PHF20: variants seen among roughly 807,000 people sequenced by gnomAD.
PHF20 encodes the protein PHD finger protein 20.
In PHF20, 23 loss-of-function variants were observed where a neutral mutation model predicts 113.5. That is an observed-to-expected ratio of 0.20 (90% CI 0.15 to 0.29). PHF20 has a LOEUF of 0.29. Among genes scored for constraint, PHF20 ranks in the 10% least tolerant of loss-of-function variants. The pLI, the probability that PHF20 is intolerant of heterozygous loss-of-function variation, is 1.00. For synonymous variants in PHF20, 434 were observed against 457.3 expected, an observed-to-expected ratio of 0.95 and a Z score of 0.65; for missense variants, 943 against 1,219.6, an observed-to-expected ratio of 0.77 and a Z score of 3.38.
At chr20:35,899,789 C>T (rs2055060908) in intron 10 of PHF20, 141 bp downstream of exon 10, 1 of 877,336 alleles carries the variant, frequency 1.1e-6, no homozygotes, top group Non-Finnish European at 1.7e-6. Context: ...AAGTGATCCT[C>T]TGGGCTGTGC....
At chr20:35,835,618 A>C (rs560530183) in intron 2 of PHF20, among the ~76,000 whole-genome samples, 1 of 152,182 alleles carries the variant, frequency 6.6e-6, no homozygotes, top group Non-Finnish European at 1.5e-5. Context: ...TAAGAAATCT[A>C]TCAGTTCATT....
At chr20:35,921,621 C>G (rs2055513564) in intron 13 of PHF20, among the ~76,000 whole-genome samples, 1 of 152,048 alleles carries the variant, frequency 6.6e-6, no homozygotes, top group Non-Finnish European at 1.5e-5. Context: ...GAGTTCAAGG[C>G]TGCAGCGAGC....
rs2146994074 is a variant in PHF20 at position 35,873,171 on chromosome 20, A to G, written c.1282+1342A>G. 2.1e-5 allele frequency among the ~76,000 whole-genome samples: 3 copies of G among 145,466 alleles called. No homozygotes were observed. In the East Asian group the frequency reaches 6.2e-4, roughly 30 times the overall value. ...GGCTGGAGTGCAGTGGTTGATCTCC[A>G]CTCACTTCAACCTCTGCCTCCTGGG... On this transcript the variant is annotated intron_variant, in intron 9 of 17. Coordinates refer to ENST00000374012, the MANE Select transcript of PHF20 (RefSeq NM_016436.5).
chr20:35,845,376 T>C (rs755705843), intron 3 of PHF20: 1 of 395,044 alleles, frequency 2.5e-6, no homozygotes, highest in South Asian at 1.8e-5. Flanking sequence ...TTTTTGTTTT[T>C]TTTTAAAGAG....
At chr20:35,902,218 A>AC (rs2055110967) in intron 10 of PHF20, among the ~76,000 whole-genome samples, 1 of 152,194 alleles carries the variant, frequency 6.6e-6, no homozygotes, top group African/African-American at 2.4e-5. Flanking sequence ...CTGTAGAAAC[A>AC]ACCAGCACTG....
chr20:35,904,085 G>C lies in PHF20; in HGVS notation c.1561+4437G>C, dbSNP rs143914471. On this transcript the variant is annotated intron_variant, in intron 10 of 17. Transcript: ENST00000374012. The stretch of plus-strand genomic sequence containing the variant: ...CAGGGTGGAATTTCAGACAGTGTGG[G>C]GAGTTCAGTTGGGGAGACGTTTCAC... Among the ~76,000 whole-genome samples, 3 of 152,116 alleles carry C rather than the reference G, an allele frequency of 2.0e-5. No homozygotes were observed. The East Asian group carries it at 5.8e-4, about 29-fold the overall frequency.
At chr20:35,856,991 G>C (rs911634830) in intron 4 of PHF20, among the ~76,000 whole-genome samples, 1 of 152,132 alleles carries the variant, frequency 6.6e-6, no homozygotes, top group Admixed American at 6.6e-5. Context: ...GAGGACTGGC[G>C]GTGGAGGGGT....
intron 9 of PHF20, among the ~76,000 whole-genome samples, chr20:35,890,555 A>C (rs143806758): frequency 1.3e-5 from 2 of 152,156 alleles, no homozygotes; most frequent in African/African-American, 4.8e-5. Flanking sequence ...AATAATGACA[A>C]ATAATATTCA....
chr20:35,925,223 C>T (rs2055603169), intron 13 of PHF20, among the ~76,000 whole-genome samples: 1 of 147,306 alleles, frequency 6.8e-6, no homozygotes, highest in Admixed American at 6.7e-5. Flanking sequence ...AGAATTTTTT[C>T]TAGTTCTGAA....
At chr20:35,894,842 C>T (rs963396666) in intron 9 of PHF20, among the ~76,000 whole-genome samples, 3 of 152,220 alleles carry the variant, frequency 2.0e-5, no homozygotes, top group African/African-American at 4.8e-5. Context: ...ATTGTGTATA[C>T]ACAAGAGTGC....
intron 1 of PHF20, among the ~76,000 whole-genome samples, chr20:35,800,879 C>T (rs2041767728): frequency 6.6e-6 from 1 of 151,956 alleles, no homozygotes; most frequent in African/African-American, 2.4e-5. Context: ...TTTTAAGAGA[C>T]GAGCGTTTGC....
intron 10 of PHF20, among the ~76,000 whole-genome samples, chr20:35,905,509 T>C (rs749752743): frequency 4.3e-4 from 65 of 152,206 alleles, no homozygotes; most frequent in Admixed American, 1.1e-3. Flanking sequence ...TATCCCCCCA[T>C]GTGAGGATGT....
chr20:35,919,321 ATTTTTGTTATGGTAAT>A (rs1485783483), intron 13 of PHF20, among the ~76,000 whole-genome samples: 11 of 141,294 alleles, frequency 7.8e-5, no homozygotes, highest in South Asian at 2.3e-4. Flanking sequence ...CTGGCAAAAT[ATTTTTGTTATGGTAAT>A]TTTTTTTTTT....
chr20:35,887,097 A>G (rs1288223817), intron 9 of PHF20, among the ~76,000 whole-genome samples: 1 of 152,202 alleles, frequency 6.6e-6, no homozygotes, highest in Non-Finnish European at 1.5e-5. Context: ...ATTAAATAGG[A>G]TATTTATTTC....
chr20:35,823,850 T>C (rs1165395281), intron 2 of PHF20, among the ~76,000 whole-genome samples: 1 of 152,190 alleles, frequency 6.6e-6, no homozygotes, highest in African/African-American at 2.4e-5. Context: ...GGATTTGGCT[T>C]CTTAAACTTA....
At chr20:35,911,785 A>G (rs563827890) in intron 10 of PHF20, among the ~76,000 whole-genome samples, 8 of 151,912 alleles carry the variant, frequency 5.3e-5, no homozygotes, top group South Asian at 2.1e-4. Flanking sequence ...CAGCCTCCCA[A>G]GTAGCTGGGA....
chr20:35,868,458 A>ATT (rs112363613), intron 6 of PHF20, among the ~76,000 whole-genome samples: 2 of 148,358 alleles, frequency 1.3e-5, no homozygotes, highest in Non-Finnish European at 3.0e-5. Context: ...AAAAAAAAAA[A>ATT]TTTTGCTAGG....
chr20:35,924,449 C>A (rs1382441076), intron 13 of PHF20, among the ~76,000 whole-genome samples: 1 of 152,072 alleles, frequency 6.6e-6, no homozygotes, highest in Non-Finnish European at 1.5e-5. Context: ...CCACCTCGGC[C>A]TCCCAAAGTT....
Position 35,873,458 on chromosome 20 carries a change from G to GTTTTTT in PHF20, c.1282+1631_1282+1636dup, listed in dbSNP as rs1400135809. Among the ~76,000 whole-genome samples the GTTTTTT allele has an allele frequency of 7.9e-5, 9 of 114,588 alleles. 1 individual carries two copies. Among genetic ancestry groups the GTTTTTT allele is most frequent in the African/African-American group, 2.7e-4 (8 of 29,410 alleles). The allele number at this position is 114,588 out of a possible 152,430, so 75.2% of individuals were successfully genotyped here. A position where few individuals can be genotyped will look rare whatever the true frequency, so the allele number is the denominator to read the frequency against. ...GCTAACATTTGGCTGTGTTTTGTCT[G>GTTTTTT]TTTTTTTGTTTTTTTTTTTTTTTTT... On this transcript the variant is annotated intron_variant, in intron 9 of 17. Transcript: ENST00000374012.
Sources: gnomAD v4.1 joint callset for allele counts (sites outside exome capture counted in the v4.1 genomes callset) on GRCh38, gnomAD v4.1.1 for gene constraint, MANE v1.5 for transcripts, NCBI Gene and HGNC (gene_info 2026-07-23, HGNC 2026-07-21) for gene names.